The following HR variants were observed in gnomAD, a reference collection of about 807,000 sequenced individuals.
The protein encoded by HR is HR lysine demethylase and nuclear receptor corepressor, also known as lysine-specific demethylase hairless.
Under a neutral mutation model 128.6 loss-of-function variants are expected in HR, and 83 were observed. That is an observed-to-expected ratio of 0.65 (90% CI 0.54 to 0.77). The LOEUF (loss-of-function observed/expected upper bound fraction) is 0.77, where lower values mean the gene tolerates loss of function less well. Among genes scored for constraint, HR ranks in the 30% least tolerant of loss-of-function variants. HR has a pLI of 0.00. For synonymous variants in HR, 681 were observed against 658.2 expected, an observed-to-expected ratio of 1.03 and a Z score of -0.53; for missense variants, 1,490 against 1,574.6, an observed-to-expected ratio of 0.95 and a Z score of 0.91.
chr8:22,119,906 G>T lies in HR; in HGVS notation c.2847-16C>A. On this transcript the variant is annotated splice_polypyrimidine_tract_variant and intron_variant, in intron 13 of 18. Coordinates refer to ENST00000381418, the MANE Select transcript of HR (RefSeq NM_005144.5). ...GTTCTCCACCCTGTCAGGGTAGGGG[G>T]TCATGCCCAGCAGGCCCAACCTGGG... is the stretch of plus-strand genomic sequence containing the variant. 1.2e-6 allele frequency: 2 copies of T among 1,613,020 alleles called. No homozygotes were observed. The highest frequency in any genetic ancestry group is 1.7e-6 in the Non-Finnish European group (2 of 1,179,914).
chr8:22,122,691 G>T, intron 7 of HR, 83 bp from the exon 8 acceptor site: 1 of 1,489,648 alleles, frequency 6.7e-7, no homozygotes, highest in African/African-American at 1.4e-5. Flanking sequence ...GCCTTGCCAA[G>T]CAGAAGGGCA....
Position 22,129,181 on chromosome 8 carries a change from C to T in HR, c.-11G>A. The stretch of plus-strand genomic sequence containing the variant: ...GGGCGTACTCTCCATCACTCTCCTG[C>T]CCTCATGGGGCTCTCCCAGAGGGGG... On this transcript the variant is annotated 5_prime_UTR_variant, in exon 2 of 19. Transcript: ENST00000381418. 1 of 1,523,586 alleles carries T rather than the reference C, an allele frequency of 6.6e-7. No homozygotes were observed. The highest frequency in any genetic ancestry group is 1.3e-5 in the South Asian group (1 of 75,394). The allele number at this position is 1,523,586 out of a possible 1,614,324, so 94.4% of individuals were successfully genotyped here.
intron 16 of HR, chr8:22,117,668 A>C (rs1826626837): frequency 6.6e-6 from 1 of 152,328 alleles, no homozygotes; most frequent in African/African-American, 2.4e-5. Flanking sequence ...TAACCAGAGC[A>C]GGGAGCTCTC....
Position 22,120,622 on chromosome 8 carries a change from C to G in HR, c.2610+94G>C, listed in dbSNP as rs1051289987. ...GCTCGGGGACAGCCCTCCTGCTCCCCCTGAGCCACTGGGTCTGTCTGGGCC... is the reference window on the plus strand; with the variant it reads ...GCTCGGGGACAGCCCTCCTGCTCCCGCTGAGCCACTGGGTCTGTCTGGGCC... On this transcript the variant is annotated intron_variant, in intron 11 of 18. Coordinates refer to ENST00000381418, the MANE Select transcript of HR (RefSeq NM_005144.5). 1.0e-5 allele frequency: 16 copies of G among 1,574,770 alleles called. No individual in the cohort carries two copies. In the Admixed American group the frequency reaches 2.3e-4, roughly 23 times the overall value.
chr8:22,129,310 C>T, intron 1 of HR, 100 bp from the exon 2 acceptor site: 1 of 1,020,890 alleles, frequency 9.8e-7, no homozygotes, highest in Non-Finnish European at 1.4e-6. Flanking sequence ...ACTGAGGCAG[C>T]TCAAACCAGT....
chr8:22,121,210 T>A lies in HR; in HGVS notation c.2222A>T (p.Glu741Val). 6.2e-7 allele frequency: 1 copy of A among 1,613,832 alleles called. No individual in the cohort carries two copies. Among genetic ancestry groups the A allele is most frequent in the South Asian group, 1.1e-5 (1 of 91,078 alleles). ...SIKEETPDSA[E>V]TPAEDRAGRG... is the part of the protein sequence containing the mutation. ...GCCAGCACGGTCCTCTGCTGGGGTC[T>A]CAGCGGAATCGGGGGTCTCTGTCAG... Residue 741 changes from glutamate to valine, a missense_variant, in exon 10 of 19, where the codon GAG (glutamate) becomes GTG (valine). Glu to Val is a moderately radical substitution (Grantham distance 121). This residue lies in a region of HR where 1,060 missense variants were observed against 1,060.9 expected (regional missense o/e 1.00). Transcript: ENST00000381418.
chr8:22,121,495 T>G, intron 9 of HR, 118 bp downstream of exon 9: 2 of 1,085,332 alleles, frequency 1.8e-6, no homozygotes, highest in Non-Finnish European at 2.8e-6. Flanking sequence ...GTGGAGATTA[T>G]TGGGGGTGGG....
At position 22,115,120 on chromosome 8, in the gene HR, C is replaced by T. The variant is rs1362111188; in HGVS notation, c.*580G>A. On this transcript the variant is annotated 3_prime_UTR_variant, in exon 19 of 19. Coordinates refer to ENST00000381418, the MANE Select transcript of HR (RefSeq NM_005144.5). The stretch of plus-strand genomic sequence containing the variant: ...TCATGAAGGAGGGAAGCGGGCGGAC[C>T]GGGAAGGGGCTGAGTGACATCGCCC... 2 of 161,018 alleles carry T rather than the reference C, an allele frequency of 1.2e-5. No homozygotes were observed. Among genetic ancestry groups the T allele is most frequent in the Admixed American group, 6.0e-5 (1 of 16,594 alleles). 10.0% of individuals were successfully genotyped at this position (161,018 alleles called of 1,614,324 possible).
rs532833546 is a variant in HR at position 22,114,933 on chromosome 8, G to C, written c.*767C>G. On this transcript the variant is annotated 3_prime_UTR_variant, in exon 19 of 19. Transcript: ENST00000381418. The stretch of plus-strand genomic sequence containing the variant: ...GGCCCCAGGCCCCAGACGAAGAGCA[G>C]GCAGTGGTGTCCTGTCCCTTGGGCC... 2.0e-5 allele frequency: 3 copies of C among 152,594 alleles called. No homozygotes were observed. The highest frequency in any genetic ancestry group is 4.8e-5 in the African/African-American group (2 of 41,464). The allele number at this position is 152,594 out of a possible 1,614,324, so 9.5% of individuals were successfully genotyped here.
chr8:22,123,996 C>T (rs538877389), intron 5 of HR, among the ~76,000 whole-genome samples, 183 bp from the exon 6 acceptor site: 12 of 152,248 alleles, frequency 7.9e-5, no homozygotes, highest in South Asian at 4.1e-4. Context: ...ACAGCCCTGT[C>T]GAGAGCCTCC....
At chr8:22,123,852 C>T in intron 5 of HR, 39 bp from the exon 6 acceptor site, 1 of 1,570,412 alleles carries the variant, frequency 6.4e-7, no homozygotes, top group Non-Finnish European at 8.6e-7. Context: ...AGGGTGAAGG[C>T]AACAGGCCCC....
intron 2 of HR, 92 bp from the exon 3 acceptor site, chr8:22,127,921 G>T: frequency 8.2e-7 from 1 of 1,217,946 alleles, no homozygotes; most frequent in African/African-American, 1.5e-5. Context: ...AGGAAGGGGA[G>T]AATACTGAAG....
rs768781518 is a variant in HR, at chr8:22,117,031, C to T, written c.3222G>A (p.Pro1074=). Residue 1074 remains proline (P), a synonymous_variant, in exon 17 of 19, where the codon CCG becomes CCA. Coordinates refer to ENST00000381418, the MANE Select transcript of HR (RefSeq NM_005144.5). ...RIRRFLQMVC[P]AGAGALEPGA... ...CAGGCTCCAGGGCGCCTGCCCCGGC[C>T]GGGCACACCTCAAAGAAGAGAAGGG... 20 of 1,502,936 alleles carry T rather than the reference C, an allele frequency of 1.3e-5. No individual in the cohort carries two copies. In the South Asian group the frequency reaches 1.5e-4, roughly 12 times the overall value. 93.1% of individuals were successfully genotyped at this position (1,502,936 alleles called of 1,614,324 possible).
intron 3 of HR, 29 bp from the exon 4 acceptor site, chr8:22,125,761 CTG>C: frequency 6.2e-7 from 1 of 1,612,408 alleles, no homozygotes; most frequent in South Asian, 1.1e-5. Flanking sequence ...GGTCAGGAAT[CTG>C]GGTTTCTTGG....
rs1826916135 is a variant in HR at position 22,127,189 on chromosome 8, T to G, written c.1253A>C (p.Glu418Ala). ...LRALKRAGSP[E>A]VQGAMGSPAP... is the part of the protein sequence containing the mutation. ...TGGACTGCCCATTGCTCCCTGGACC[T>G]CGGGGCTGCCTGCCCTTTTGAGGGC... Residue 418 changes from glutamate to alanine, a missense_variant, in exon 3 of 19, where the codon GAG (glutamate) becomes GCG (alanine). Glu to Ala is a moderately radical substitution (Grantham distance 107, BLOSUM62 -1). Transcript: ENST00000381418. The G allele has an allele frequency of 6.2e-7, 1 of 1,612,808 alleles. No individual in the cohort carries two copies. Among genetic ancestry groups the G allele is most frequent in the African/African-American group, 1.3e-5 (1 of 74,940 alleles).
At chr8:22,121,786 C>G (rs918084536) in intron 8 of HR, 92 bp from the exon 9 acceptor site, 9 of 1,265,478 alleles carry the variant, frequency 7.1e-6, no homozygotes, top group Admixed American at 5.7e-5. Context: ...GAACAATGGA[C>G]TCTTGTCAGT....
intron 18 of HR, 132 bp from the exon 19 acceptor site, chr8:22,115,894 G>A: frequency 1.1e-6 from 1 of 870,302 alleles, no homozygotes; most frequent in South Asian, 1.4e-5. Flanking sequence ...ACTTTGGGAG[G>A]CCAAGGTAGG....
chr8:22,128,254 AC>A, intron 2 of HR: 1 of 537,686 alleles, frequency 1.9e-6, no homozygotes, highest in African/African-American at 1.9e-5. Flanking sequence ...TTGTCTGCCC[AC>A]CCATCTCCTC....
chr8:22,126,939 G>T, intron 3 of HR, 98 bp downstream of exon 3: 2 of 1,219,328 alleles, frequency 1.6e-6, no homozygotes, highest in Non-Finnish European at 1.1e-6. Context: ...CACTGGTTGT[G>T]GTCCACTCAT....
Sources: gnomAD v4.1 joint callset for allele counts (sites outside exome capture counted in the v4.1 genomes callset) on GRCh38, gnomAD v4.1.1 for gene constraint, gnomAD v4.1.1 regional missense constraint, MANE v1.5 for transcripts, NCBI Gene and HGNC (gene_info 2026-07-23, HGNC 2026-07-21) for gene names.